The following BBS9 variants were observed in gnomAD, a reference collection of about 807,000 sequenced individuals.
BBS9 encodes protein PTHB1.
BBS9 carries 89 observed loss-of-function variants against 117.7 expected under a neutral mutation model. That is an observed-to-expected ratio of 0.76 (90% confidence interval 0.64 to 0.90). BBS9 has a LOEUF of 0.90. BBS9 is among the 40% of genes least tolerant of loss of function. The probability of loss-of-function intolerance (pLI) is 0.00; values close to 1 mark genes in which losing one functional copy is unlikely to be tolerated. For synonymous variants in BBS9, 379 were observed against 370.9 expected, an observed-to-expected ratio of 1.02 and a Z score of -0.25; for missense variants, 982 against 1,042.2, an observed-to-expected ratio of 0.94 and a Z score of 0.80.
chr7:33,150,097 G>A (rs758274147), intron 2 of BBS9, among the ~76,000 whole-genome samples: 2 of 152,124 alleles, frequency 1.3e-5, no homozygotes, highest in African/African-American at 2.4e-5. Context: ...TAAGAAGGCT[G>A]GAGAGATTTG....
At chr7:33,222,831 T>G (rs1169114401) in intron 5 of BBS9, among the ~76,000 whole-genome samples, 2 of 151,776 alleles carry the variant, frequency 1.3e-5, no homozygotes, top group Non-Finnish European at 2.9e-5. Context: ...TGCATGCCTG[T>G]GGTCCCAGCT....
chr7:33,548,502 C>T (rs1015651414), intron 21 of BBS9, among the ~76,000 whole-genome samples: 5 of 124,550 alleles, frequency 4.0e-5, no homozygotes, highest in African/African-American at 1.5e-4. Context: ...CCCCCCTCCC[C>T]CCACCCCACC....
chr7:33,278,004 AAGGGCTATTTTTACT>A (rs1801078282), intron 9 of BBS9, among the ~76,000 whole-genome samples: 1 of 152,018 alleles, frequency 6.6e-6, no homozygotes, highest in Non-Finnish European at 1.5e-5. Flanking sequence ...AGTTTTGGGG[AAGGGCTATTTTTACT>A]TAAACTATAG....
At chr7:33,132,925 A>C (rs1160343985) in intron 1 of BBS9, among the ~76,000 whole-genome samples, 1 of 152,052 alleles carries the variant, frequency 6.6e-6, no homozygotes, top group Non-Finnish European at 1.5e-5. Flanking sequence ...TCTTTTTTTA[A>C]TATTTAAAAA....
intron 9 of BBS9, among the ~76,000 whole-genome samples, chr7:33,295,791 A>G (rs1016677566): frequency 2.0e-5 from 3 of 152,064 alleles, no homozygotes; most frequent in East Asian, 3.8e-4. Flanking sequence ...TGTTAACAAA[A>G]TAGTCTAGAA....
At chr7:33,421,923 C>A (rs1002070261) in intron 19 of BBS9, among the ~76,000 whole-genome samples, 1 of 151,936 alleles carries the variant, frequency 6.6e-6, no homozygotes, top group Non-Finnish European at 1.5e-5. Flanking sequence ...TATCAGAATT[C>A]TTTGTCAGAA....
Position 33,383,651 on chromosome 7 carries a change from A to T in BBS9, c.1790-15A>T, listed in dbSNP as rs758380962. The T allele has an allele frequency of 1.2e-5, 19 of 1,591,714 alleles. No individual in the cohort carries two copies. The highest frequency in any genetic ancestry group is 1.8e-4 in the Middle Eastern group (1 of 5,640). On this transcript the variant is annotated splice_polypyrimidine_tract_variant and intron_variant, in intron 17 of 22. Transcript: ENST00000242067. ...CTGTGTTACTAAGCATTTTTCCTTA[A>T]TTTTTTTCTCTCAGAACGATATCGC...
chr7:33,220,591 T>G (rs1790062423), intron 5 of BBS9, among the ~76,000 whole-genome samples: 1 of 152,282 alleles, frequency 6.6e-6, no homozygotes, highest in Admixed American at 6.5e-5. Context: ...CTTATGTTTA[T>G]GAAATGTGAA....
At chr7:33,131,498 A>G (rs7796922) in intron 1 of BBS9, among the ~76,000 whole-genome samples, 13,537 of 152,212 alleles carry the variant, frequency 0.089, 645 homozygotes, top group South Asian at 0.13. Context: ...TTTGAACACT[A>G]CATGCATTTG....
chr7:33,524,618 C>T (rs1292222423), intron 20 of BBS9, among the ~76,000 whole-genome samples: 28 of 152,060 alleles, frequency 1.8e-4, no homozygotes, highest in Admixed American at 3.3e-4. Context: ...TTTTTTATTG[C>T]GTCTATTTGA....
At chr7:33,397,899 T>C (rs1230318277) in intron 19 of BBS9, among the ~76,000 whole-genome samples, 1 of 152,060 alleles carries the variant, frequency 6.6e-6, no homozygotes, top group African/African-American at 2.4e-5. Context: ...TGGATTGATC[T>C]GTGCAACAAA....
In BBS9 at chr7:33,431,243, A is replaced by G. The variant is rs539359290; in HGVS notation, c.2115+43099A>G. Reference sequence around the variant, plus strand: ...AAAAAATGGTACTGGTTACCTAAGAAAGCTGTTCTTGTCCAATAAAGAAGT... The same window carrying G: ...AAAAAATGGTACTGGTTACCTAAGAGAGCTGTTCTTGTCCAATAAAGAAGT... On this transcript the variant is annotated intron_variant, in intron 19 of 22. Transcript: ENST00000242067. Among the ~76,000 whole-genome samples the G allele has an allele frequency of 2.9e-4, 44 of 152,034 alleles. No homozygotes were observed. The South Asian group carries it at 9.2e-3, about 32-fold the overall frequency.
chr7:33,496,504 C>CA (rs752966406), intron 19 of BBS9, among the ~76,000 whole-genome samples: 1,266 of 122,342 alleles, frequency 0.01, 8 homozygotes, highest in African/African-American at 0.021. Flanking sequence ...GACTCCATCT[C>CA]AAAAAAAAAA....
At chr7:33,482,758 A>C (rs958987649) in intron 19 of BBS9, among the ~76,000 whole-genome samples, 1 of 152,186 alleles carries the variant, frequency 6.6e-6, no homozygotes, top group Non-Finnish European at 1.5e-5. Flanking sequence ...ATGGGTTTAA[A>C]GGATTGGTGC....
In BBS9 at chr7:33,238,451, T is replaced by C. The variant is rs143000584; in HGVS notation, c.443-18785T>C. Among the ~76,000 whole-genome samples the C allele has an allele frequency of 5.8e-3, 876 of 152,190 alleles. 4 individuals are homozygous for C. Among genetic ancestry groups the C allele is most frequent in the Non-Finnish European group, 0.01 (695 of 67,990 alleles). The stretch of plus-strand genomic sequence containing the variant: ...GATTATAGGCATGGGCCACCACGCC[T>C]GGCTAATTTTTGTATTTTTTTTAGT... On this transcript the variant is annotated intron_variant, in intron 5 of 22. Transcript: ENST00000242067.
At chr7:33,431,919 A>T (rs1834534686) in intron 19 of BBS9, among the ~76,000 whole-genome samples, 2 of 152,176 alleles carry the variant, frequency 1.3e-5, no homozygotes, top group African/African-American at 4.8e-5. Flanking sequence ...ACATTGAAAT[A>T]GGAGAAAAGA....
intron 9 of BBS9, among the ~76,000 whole-genome samples, chr7:33,323,632 A>G (rs933230942): frequency 3.3e-5 from 5 of 151,746 alleles, no homozygotes; most frequent in Non-Finnish European, 5.9e-5. Flanking sequence ...TTGTGTCTTT[A>G]TATGTGAAGT....
chr7:33,154,289 A>ATCT (rs1212422946), intron 3 of BBS9, among the ~76,000 whole-genome samples: 5 of 152,186 alleles, frequency 3.3e-5, no homozygotes, highest in Non-Finnish European at 5.9e-5. Flanking sequence ...TCTTATTTGT[A>ATCT]AATAAGATAC....
intron 20 of BBS9, among the ~76,000 whole-genome samples, chr7:33,512,672 G>T (rs777746554): frequency 6.6e-6 from 1 of 152,174 alleles, no homozygotes; most frequent in Non-Finnish European, 1.5e-5. Flanking sequence ...ACAAAGAGAT[G>T]ATTTTGACCT....
Sources: gnomAD v4.1 joint callset for allele counts (sites outside exome capture counted in the v4.1 genomes callset) on GRCh38, gnomAD v4.1.1 for gene constraint, MANE v1.5 for transcripts, NCBI Gene and HGNC (gene_info 2026-07-23, HGNC 2026-07-21) for gene names.